Variants in CFAP58 observed in about 807,000 individuals in gnomAD.
CFAP58 encodes the protein cilia- and flagella-associated protein 58.
In CFAP58, 88 loss-of-function variants were observed where a neutral mutation model predicts 119.5. That is an observed-to-expected ratio of 0.74 (90% CI 0.62 to 0.88). The LOEUF (loss-of-function observed/expected upper bound fraction) is 0.88. CFAP58 is among the 40% of genes least tolerant of loss of function. CFAP58 has a pLI of 0.00. For missense variants in CFAP58, 990 were observed against 1,021.2 expected (o/e 0.97, Z 0.42); for synonymous variants, 365 against 366.3 (o/e 1.00, Z 0.04).
intron 15 of CFAP58, among the ~76,000 whole-genome samples, chr10:104,417,598 T>G (rs576032658): frequency 8.4e-4 from 128 of 152,284 alleles, no homozygotes; most frequent in African/African-American, 3.0e-3. Flanking sequence ...ATGACAATCC[T>G]TGGTCCTGTT....
chr10:104,362,715 G>T lies in CFAP58; in HGVS notation c.440+544G>T, dbSNP rs550574751. On this transcript the variant is annotated intron_variant, in intron 3 of 17. Coordinates refer to ENST00000369704, the MANE Select transcript of CFAP58 (RefSeq NM_001008723.2). Reference sequence around the variant, plus strand: ...ATTCTCTGCCAGATTTGGCAGTAGCGTCCTAACTGGTCTCCCTGCCTACAG... The same window carrying T: ...ATTCTCTGCCAGATTTGGCAGTAGCTTCCTAACTGGTCTCCCTGCCTACAG... Among the ~76,000 whole-genome samples, 21 of 152,294 alleles carry T rather than the reference G, an allele frequency of 1.4e-4. No homozygotes were observed. The South Asian group carries it at 4.4e-3, about 32-fold the overall frequency.
the CFAP58 span, among the ~76,000 whole-genome samples, chr10:104,346,496 C>T: frequency 6.6e-6 from 1 of 151,894 alleles, no homozygotes; most frequent in Non-Finnish European, 1.5e-5. Context: ...TACAGGTGTG[C>T]AACACCACGC....
chr10:104,393,556 A>C (rs943104288), intron 11 of CFAP58, 81 bp downstream of exon 11: 3 of 1,395,714 alleles, frequency 2.1e-6, no homozygotes, highest in Admixed American at 2.3e-5. Context: ...GAAGGCAGCC[A>C]GGGGCAGGGA....
chr10:104,447,884 A>G, intron 16 of CFAP58, 67 bp downstream of exon 16: 1 of 1,499,580 alleles, frequency 6.7e-7, no homozygotes, highest in East Asian at 2.5e-5. Flanking sequence ...CACCTGGACA[A>G]GTCCACTGAC....
At chr10:104,436,372 T>C (rs1004231306) in intron 15 of CFAP58, among the ~76,000 whole-genome samples, 2 of 152,192 alleles carry the variant, frequency 1.3e-5, no homozygotes, top group African/African-American at 2.4e-5. Flanking sequence ...CTTGCATTGC[T>C]ATGAAGAAAT....
intron 12 of CFAP58, among the ~76,000 whole-genome samples, chr10:104,399,781 G>C (rs377696510): frequency 1.2e-4 from 18 of 152,008 alleles, no homozygotes; most frequent in African/African-American, 4.3e-4. Flanking sequence ...GTATAATACA[G>C]TTGCTCACAT....
chr10:104,401,958 C>T (rs2012274063), intron 13 of CFAP58, among the ~76,000 whole-genome samples: 1 of 152,172 alleles, frequency 6.6e-6, no homozygotes, highest in African/African-American at 2.4e-5. Flanking sequence ...AGTCTCCAAA[C>T]CATCACTAAA....
chr10:104,339,100 G>A, the CFAP58 span, among the ~76,000 whole-genome samples: 3 of 152,082 alleles, frequency 2.0e-5, no homozygotes, highest in Non-Finnish European at 4.4e-5. Flanking sequence ...TAGAGAAGGT[G>A]TTTCTCCATG....
At chr10:104,371,189 A>C in intron 7 of CFAP58, 135 bp downstream of exon 7, 8 of 700,710 alleles carry the variant, frequency 1.1e-5, no homozygotes, top group Admixed American at 3.5e-5. Context: ...ACACTGGTAA[A>C]CAGTCAATAT....
At chr10:104,425,455 A>G (rs1189695316) in intron 15 of CFAP58, among the ~76,000 whole-genome samples, 1 of 152,214 alleles carries the variant, frequency 6.6e-6, no homozygotes, top group East Asian at 1.9e-4. Flanking sequence ...TAGCTCCAGG[A>G]GACAACTATG....
chr10:104,345,225 G>A, the CFAP58 span, among the ~76,000 whole-genome samples: 2 of 151,980 alleles, frequency 1.3e-5, no homozygotes, highest in Admixed American at 6.5e-5. Flanking sequence ...TGTTGCCTAT[G>A]AGAGTTCAGT....
chr10:104,358,668 A>T, intron 2 of CFAP58, 46 bp downstream of exon 2: 1 of 1,563,594 alleles, frequency 6.4e-7, no homozygotes, highest in Non-Finnish European at 8.7e-7. Flanking sequence ...TTAAAACATC[A>T]TTCTCTCATT....
In CFAP58 at chr10:104,450,118, T is replaced by A; in HGVS notation, c.2424T>A (p.Tyr808Ter). The change falls in exon 17 of 18, where the codon TAT (tyrosine) becomes TAA (stop). Residue 808 changes from tyrosine to a stop codon, truncating the protein, a stop_gained. Coordinates refer to ENST00000369704, the MANE Select transcript of CFAP58 (RefSeq NM_001008723.2). LOFTEE classifies it high-confidence loss of function. The stretch of plus-strand genomic sequence containing the variant: ...TGTATGAAGTACAGAGCAAAGAATA[T>A]AAATATGAGGTAGAGAAACTTACCA... ...LNMYEVQSKE[Y>*]KYEVEKLTNE... 1 of 1,612,776 alleles carries A rather than the reference T, an allele frequency of 6.2e-7. No homozygotes were observed. Among genetic ancestry groups the A allele is most frequent in the African/African-American group, 1.3e-5 (1 of 74,952 alleles).
At chr10:104,421,115 G>T (rs1308648077) in intron 15 of CFAP58, among the ~76,000 whole-genome samples, 1 of 152,116 alleles carries the variant, frequency 6.6e-6, no homozygotes, top group Non-Finnish European at 1.5e-5. Flanking sequence ...AACGTCAGAA[G>T]TCCACGAAAT....
chr10:104,378,156 G>A (rs2011708419), intron 8 of CFAP58, among the ~76,000 whole-genome samples: 1 of 152,154 alleles, frequency 6.6e-6, no homozygotes, highest in Non-Finnish European at 1.5e-5. Flanking sequence ...GCCTAGCACA[G>A]CACCCAACTC....
chr10:104,370,787 A>G (rs2014811902), intron 6 of CFAP58, 108 bp from the exon 7 acceptor site: 1 of 1,038,476 alleles, frequency 9.6e-7, no homozygotes, highest in African/African-American at 1.6e-5. Context: ...GAACAACTTT[A>G]AAATGCCATG....
chr10:104,404,855 C>T (rs1369491432), intron 14 of CFAP58, among the ~76,000 whole-genome samples: 5 of 152,202 alleles, frequency 3.3e-5, no homozygotes, highest in Non-Finnish European at 5.9e-5. Context: ...CCTCAGCCTC[C>T]CAAAGTGCTG....
At chr10:104,437,209 C>T (rs2012949421) in intron 15 of CFAP58, among the ~76,000 whole-genome samples, 1 of 152,208 alleles carries the variant, frequency 6.6e-6, no homozygotes, top group South Asian at 2.1e-4. Flanking sequence ...AACACATGTG[C>T]TGAGCTTAGC....
At chr10:104,417,865 C>T (rs1303588245) in intron 15 of CFAP58, among the ~76,000 whole-genome samples, 2 of 152,134 alleles carry the variant, frequency 1.3e-5, no homozygotes, top group African/African-American at 4.8e-5. Flanking sequence ...ACAAAGCTTG[C>T]CCAAGAGCTT....
Sources: gnomAD v4.1 joint callset for allele counts (sites outside exome capture counted in the v4.1 genomes callset) on GRCh38, gnomAD v4.1.1 for gene constraint, MANE v1.5 for transcripts, NCBI Gene and HGNC (gene_info 2026-07-23, HGNC 2026-07-21) for gene names.